The following GPR157 variants were observed in gnomAD, a reference collection of about 807,000 sequenced individuals.
GPR157 encodes the protein G protein-coupled receptor 157, also known as G-protein coupled receptor 157.
GPR157 carries 16 observed loss-of-function variants against 23.5 expected under a neutral mutation model. The ratio of observed to expected loss-of-function variants is 0.68; its 90% CI spans 0.46 to 1.04. The LOEUF is 1.04. GPR157 is among the 50% of genes least tolerant of loss of function. GPR157 has a pLI of 0.00. For missense variants in GPR157, 440 were observed against 460.7 expected (o/e 0.96, Z 0.41); for synonymous variants, 200 against 221.5 (o/e 0.90, Z 0.86).
chr1:9,128,829 C>T lies in GPR157; in HGVS notation c.199G>A (p.Gly67Arg), dbSNP rs1186716164. Residue 67 changes from glycine (G) to arginine (R), a missense_variant, in exon 1 of 4, where the codon GGA (glycine) becomes AGA (arginine). Gly to Arg is a moderately radical substitution (Grantham distance 125, BLOSUM62 -2). Transcript: ENST00000377411. This position sits in a 1 kb window ranked among gnomAD's most constrained non-coding sequence, Gnocchi z 6.3. ...DLLSAASYFY[G>R]VLQNFAGPSW... The stretch of plus-strand genomic sequence containing the variant: ...GGGCCCGCGAAGTTCTGCAGCACTC[C>T]GTAGAAGTAGGAGGCGGCCGAGAGC... 3 of 1,607,642 alleles carry T rather than the reference C, an allele frequency of 1.9e-6. No individual in the cohort carries two copies. The highest frequency in any genetic ancestry group is 1.7e-5 in the Admixed American group (1 of 59,138).
rs1467476754 is a variant in GPR157, at chr1:9,123,788, TTAATATTATATATATA to T, written c.383+4841_383+4856del. Reference sequence around the variant, plus strand: ...TATATATTTAATATTAAATATATATTTAATATTATATATATATAATATTAAATATATATACAAATAT... The same window carrying T: ...TATATATTTAATATTAAATATATATTTAATATTAAATATATATACAAATAT... On this transcript the variant is annotated intron_variant, in intron 1 of 3. Coordinates refer to ENST00000377411, the MANE Select transcript of GPR157 (RefSeq NM_024980.5). Among the ~76,000 whole-genome samples, 266 of 130,456 alleles carry T rather than the reference TTAATATTATATATATA, an allele frequency of 2.0e-3. 4 individuals are homozygous for T. Among genetic ancestry groups the T allele is most frequent in the African/African-American group, 4.2e-3 (149 of 35,466 alleles). 85.6% of individuals were successfully genotyped at this position (130,456 alleles called of 152,430 possible). A position where few individuals can be genotyped will look rare whatever the true frequency, so the allele number is the denominator to read the frequency against.
intron 1 of GPR157, among the ~76,000 whole-genome samples, chr1:9,119,093 G>A (rs1449201076): frequency 2.7e-5 from 4 of 148,688 alleles, no homozygotes; most frequent in South Asian, 2.1e-4. Flanking sequence ...GTGCACTGGC[G>A]TGATCTTGGC....
chr1:9,122,168 C>T (rs1309415317), intron 1 of GPR157, among the ~76,000 whole-genome samples: 2 of 152,198 alleles, frequency 1.3e-5, no homozygotes. Context: ...TGACCCCCTC[C>T]ACAGCAGCTC....
rs755858388 is a variant in GPR157 at position 9,120,883 on chromosome 1, A to G, written c.383+7762T>C. Among the ~76,000 whole-genome samples the G allele has an allele frequency of 2.0e-5, 3 of 152,168 alleles. No individual in the cohort carries two copies. The highest frequency in any genetic ancestry group is 4.4e-5 in the Non-Finnish European group (3 of 68,028). On this transcript the variant is annotated intron_variant, in intron 1 of 3. Transcript: ENST00000377411. This position sits in a 1 kb window ranked among gnomAD's most constrained non-coding sequence, Gnocchi z 4.1. ...CTTTTATGGGGAAATAAACGAAACCAGTTCAATGATTGATATTTTCAGGAG... is the reference window on the plus strand; with the variant it reads ...CTTTTATGGGGAAATAAACGAAACCGGTTCAATGATTGATATTTTCAGGAG...
intron 1 of GPR157, among the ~76,000 whole-genome samples, chr1:9,123,240 A>ATTAAAATATATAT (rs1638845366): frequency 2.0e-5 from 1 of 49,804 alleles, no homozygotes; most frequent in African/African-American, 1.3e-4. Context: ...TTAAATATAT[A>ATTAAAATATATAT]TTAATTTAAA....
At chr1:9,111,992 T>G (rs1638515753) in intron 1 of GPR157, among the ~76,000 whole-genome samples, 1 of 152,040 alleles carries the variant, frequency 6.6e-6, no homozygotes, top group Non-Finnish European at 1.5e-5. Context: ...AAGAAGAGTT[T>G]TGTATACATG....
At chr1:9,127,247 C>T (rs1327628891) in intron 1 of GPR157, among the ~76,000 whole-genome samples, 3 of 152,076 alleles carry the variant, frequency 2.0e-5, no homozygotes, top group Non-Finnish European at 4.4e-5. Context: ...TAATGAGAAC[C>T]GAACAGAAAA....
intron 1 of GPR157, among the ~76,000 whole-genome samples, chr1:9,123,340 ATATATATATTTAAT>A (rs1557700859): frequency 6.4e-5 from 2 of 31,332 alleles, no homozygotes; most frequent in African/African-American, 1.1e-4. Flanking sequence ...TTTAATTTAA[ATATATATATTTAAT>A]TTAAATATAT....
At chr1:9,117,145 G>C (rs528021164) in intron 1 of GPR157, among the ~76,000 whole-genome samples, 1 of 152,220 alleles carries the variant, frequency 6.6e-6, no homozygotes, top group East Asian at 1.9e-4. Flanking sequence ...GCCCAGCTCT[G>C]TTTTTAATAT....
At chr1:9,110,999 C>T (rs971450185) in intron 2 of GPR157, among the ~76,000 whole-genome samples, 1 of 152,200 alleles carries the variant, frequency 6.6e-6, no homozygotes, top group African/African-American at 2.4e-5. Flanking sequence ...CCTGTGCCCC[C>T]ACAGGCCCTT....
intron 1 of GPR157, among the ~76,000 whole-genome samples, chr1:9,126,591 T>C (rs1638967814): frequency 2.0e-5 from 3 of 152,170 alleles, no homozygotes; most frequent in African/African-American, 4.8e-5. Context: ...AGGTGATATT[T>C]CTCACATCAA....
At position 9,128,559 on chromosome 1, in the gene GPR157, C is replaced by A. The variant is rs760215711; in HGVS notation, c.383+86G>T. ...CTTGCTGTGGGTAGGGGGTGTCCAACCTAGACGCGGCCTCTGGGAGGGCAA... is the reference window on the plus strand; with the variant it reads ...CTTGCTGTGGGTAGGGGGTGTCCAAACTAGACGCGGCCTCTGGGAGGGCAA... On this transcript the variant is annotated intron_variant, in intron 1 of 3. Coordinates refer to ENST00000377411, the MANE Select transcript of GPR157 (RefSeq NM_024980.5). The surrounding 1 kb of genome is among the most constrained non-coding windows in gnomAD (Gnocchi z 6.3). 12 of 1,327,266 alleles carry A rather than the reference C, an allele frequency of 9.0e-6. No homozygotes were observed. The South Asian group carries it at 1.5e-4, about 16-fold the overall frequency. The allele number at this position is 1,327,266 out of a possible 1,614,324, so 82.2% of individuals were successfully genotyped here.
intron 2 of GPR157, 182 bp downstream of exon 2, chr1:9,111,094 G>A (rs1310555351): frequency 1.4e-5 from 9 of 663,664 alleles, no homozygotes; most frequent in South Asian, 5.0e-5. Flanking sequence ...TGCACGATCC[G>A]TGTAACACAG....
intron 1 of GPR157, among the ~76,000 whole-genome samples, chr1:9,113,821 T>C (rs757753110): frequency 7.2e-4 from 109 of 151,150 alleles, no homozygotes; most frequent in Non-Finnish European, 1.1e-3. Flanking sequence ...TGCATGCCTG[T>C]AATCCCAGCT....
intron 1 of GPR157, among the ~76,000 whole-genome samples, chr1:9,119,087 A>C (rs1256993451): frequency 7.0e-6 from 1 of 143,294 alleles, no homozygotes; most frequent in Non-Finnish European, 1.5e-5. Flanking sequence ...GCTGGAGTGC[A>C]CTGGCGTGAT....
Position 9,123,275 on chromosome 1 carries a change from A to AATAT in GPR157, c.383+5366_383+5369dup, listed in dbSNP as rs553271488. 4.8e-4 allele frequency among the ~76,000 whole-genome samples: 12 copies of AATAT among 25,140 alleles called. 2 individuals are homozygous for AATAT. In the South Asian group the frequency reaches 1.0e-2, roughly 21 times the overall value. The allele number at this position is 25,140 out of a possible 152,430, so 16.5% of individuals were successfully genotyped here. A position where few individuals can be genotyped will look rare whatever the true frequency, so the allele number is the denominator to read the frequency against. Reference sequence around the variant, plus strand: ...ATATATATTTAAATATATATATTTAAATATATATTTAAATTAATATATATT... The same window carrying AATAT: ...ATATATATTTAAATATATATATTTAAATATATATATATTTAAATTAATATATATT... On this transcript the variant is annotated intron_variant, in intron 1 of 3. Coordinates refer to ENST00000377411, the MANE Select transcript of GPR157 (RefSeq NM_024980.5).
intron 1 of GPR157, among the ~76,000 whole-genome samples, chr1:9,123,163 G>GGTAAAA (rs374439585): frequency 1.6e-4 from 14 of 87,564 alleles, no homozygotes; most frequent in African/African-American, 4.8e-4. Flanking sequence ...TCTTGGGTGG[G>GGTAAAA]AAAAAAAAAA....
Position 9,122,611 on chromosome 1 carries a change from T to C in GPR157, c.383+6034A>G, listed in dbSNP as rs575099239. 2.4e-4 allele frequency among the ~76,000 whole-genome samples: 36 copies of C among 152,120 alleles called. 2 individuals carry two copies. Among genetic ancestry groups the C allele is most frequent in the Admixed American group, 6.6e-4 (10 of 15,258 alleles). On this transcript the variant is annotated intron_variant, in intron 1 of 3. Transcript: ENST00000377411. ...CAGGTAGAAAGCAATGAGAAAAACA[T>C]GTTTCTGGGATATCCTGCCAAACAT... is the stretch of plus-strand genomic sequence containing the variant.
rs1006411100 is a variant in GPR157 at position 9,105,141 on chromosome 1, C to T, written c.792+345G>A. Among the ~76,000 whole-genome samples, 8 of 152,140 alleles carry T rather than the reference C, an allele frequency of 5.3e-5. No homozygotes were observed. The highest frequency in any genetic ancestry group is 4.2e-4 in the South Asian group (2 of 4,818). On this transcript the variant is annotated intron_variant, in intron 3 of 3. Transcript: ENST00000377411. The surrounding 1 kb of genome is among the most constrained non-coding windows in gnomAD (Gnocchi z 4.8). ...TGCTGTGTACCCCAGAACCTCCCCC[C>T]ATCCTCCCCGCCATGGCTGATCTGG...
Sources: allele counts gnomAD v4.1 joint callset (sites outside exome capture counted in the v4.1 genomes callset), GRCh38; gene constraint gnomAD v4.1.1; non-coding constraint Gnocchi (gnomAD v3.1); transcripts MANE v1.5; gene names NCBI Gene and HGNC (gene_info 2026-07-23, HGNC 2026-07-21).